Variants in THSD4 observed in about 807,000 individuals in gnomAD.
The protein encoded by THSD4 is thrombospondin type 1 domain containing 4, also known as thrombospondin type-1 domain-containing protein 4.
A neutral mutation model predicts 119.0 loss-of-function variants in THSD4; 69 were observed. The observed-to-expected ratio is 0.58, with a 90% CI of 0.48 to 0.71. The LOEUF (loss-of-function observed/expected upper bound fraction) is 0.71. THSD4 is among the 30% of genes least tolerant of loss of function. THSD4 has a pLI of 0.00. For synonymous variants in THSD4, 524 were observed against 540.4 expected (o/e 0.97, Z 0.42); for missense variants, 1,393 against 1,391.1 (o/e 1.00, Z -0.02).
intron 7 of THSD4, among the ~76,000 whole-genome samples, chr15:71,497,574 A>G (rs145987505): frequency 6.6e-6 from 1 of 151,834 alleles, no homozygotes; most frequent in African/African-American, 2.4e-5. Context: ...CATATAAATA[A>G]TATATAAATT....
At chr15:71,330,447 T>G (rs11858540) in intron 6 of THSD4, among the ~76,000 whole-genome samples, 21,719 of 152,174 alleles carry the variant, frequency 0.14, 1,643 homozygotes, top group Middle Eastern at 0.19. Flanking sequence ...GCTCTCAAAT[T>G]ACACTAACTC....
intron 6 of THSD4, among the ~76,000 whole-genome samples, chr15:71,386,532 C>T (rs1214842008): frequency 6.6e-6 from 1 of 152,076 alleles, no homozygotes; most frequent in Non-Finnish European, 1.5e-5. Context: ...AAAATACTGA[C>T]ACATGTAAGA....
In THSD4 at chr15:71,758,005, C is replaced by T. The variant is rs755861970; in HGVS notation, c.2519C>T (p.Ala840Val). The T allele has an allele frequency of 6.2e-7, 1 of 1,613,560 alleles. No individual in the cohort carries two copies. Among genetic ancestry groups the T allele is most frequent in the East Asian group, 2.2e-5 (1 of 44,882 alleles). The change falls in exon 15 of 18, where the codon GCA (alanine) becomes GTA (valine). Residue 840 changes from alanine to valine, a missense_variant. By Grantham distance (64) the Ala-to-Val change is moderately conservative. Coordinates refer to ENST00000261862, the MANE Select transcript of THSD4 (RefSeq NM_024817.3). Reference protein sequence around the residue: ...PLEGCGNNRPAEATPCDNGPC... With the variant: ...PLEGCGNNRPVEATPCDNGPC... ...GAGGGCTGTGGGAACAACCGGCCGGCAGAGGCCACCCCATGTGACAACGGA... is the reference window on the plus strand; with the variant it reads ...GAGGGCTGTGGGAACAACCGGCCGGTAGAGGCCACCCCATGTGACAACGGA...
intron 14 of THSD4, among the ~76,000 whole-genome samples, chr15:71,750,051 T>A (rs904512388): frequency 6.6e-6 from 1 of 152,110 alleles, no homozygotes; most frequent in African/African-American, 2.4e-5. Flanking sequence ...TCTAATAGGT[T>A]CCCAGGGTCT....
intron 7 of THSD4, among the ~76,000 whole-genome samples, chr15:71,650,992 G>A (rs2051075131): frequency 6.6e-6 from 1 of 152,190 alleles, no homozygotes. Flanking sequence ...GGTTTTAGAG[G>A]AAAATTCTGA....
intron 7 of THSD4, among the ~76,000 whole-genome samples, chr15:71,518,425 C>T (rs566130579): frequency 7.9e-5 from 12 of 152,190 alleles, no homozygotes; most frequent in East Asian, 1.9e-4. Context: ...TCCCTACCTG[C>T]GTGGGAATGA....
At chr15:71,463,355 C>T (rs2047452362) in intron 7 of THSD4, among the ~76,000 whole-genome samples, 1 of 152,084 alleles carries the variant, frequency 6.6e-6, no homozygotes, top group Non-Finnish European at 1.5e-5. Context: ...TTTGGCAGAC[C>T]CAGGTCACCT....
intron 9 of THSD4, chr15:71,730,147 G>A (rs1204041173): frequency 6.6e-6 from 1 of 152,304 alleles, no homozygotes; most frequent in Non-Finnish European, 1.5e-5. Context: ...CTTTGAAAGT[G>A]ACATGATTCT....
chr15:71,525,258 C>A (rs897925596), intron 7 of THSD4, among the ~76,000 whole-genome samples: 1 of 152,092 alleles, frequency 6.6e-6, no homozygotes, highest in African/African-American at 2.4e-5. Flanking sequence ...ACATGAGGCA[C>A]ATAGAGATTA....
intron 7 of THSD4, among the ~76,000 whole-genome samples, chr15:71,590,731 C>T (rs1022042028): frequency 3.3e-5 from 5 of 152,094 alleles, no homozygotes; most frequent in Non-Finnish European, 7.4e-5. Flanking sequence ...GGGACAGGCA[C>T]GATGGCTCAC....
chr15:71,442,618 G>GTGTA (rs2047117520), intron 7 of THSD4, among the ~76,000 whole-genome samples: 1 of 53,474 alleles, frequency 1.9e-5, no homozygotes, highest in Non-Finnish European at 3.9e-5. Context: ...GTGTGTGTGT[G>GTGTA]TATATATATA....
rs748939133 is a variant in THSD4 at position 71,242,736 on chromosome 15, C to G, written c.552C>G (p.His184Gln). The G allele has an allele frequency of 6.2e-7, 1 of 1,614,196 alleles. No individual in the cohort carries two copies. The highest frequency in any genetic ancestry group is 2.2e-5 in the East Asian group (1 of 44,884). The change falls in exon 5 of 18, where the codon CAC (histidine) becomes CAG (glutamine). Residue 184 changes from histidine to glutamine, a missense_variant. Coordinates refer to ENST00000261862, the MANE Select transcript of THSD4 (RefSeq NM_024817.3). ...TACCACTGCAGACAGACACTGCACACACGCCACAGAGGCTCCGGAGACAGA... is the reference window on the plus strand; with the variant it reads ...TACCACTGCAGACAGACACTGCACAGACGCCACAGAGGCTCCGGAGACAGA... ...YILPLQTDTAHTPQRLRRQKL... is the reference protein window; with the variant it reads ...YILPLQTDTAQTPQRLRRQKL...
intron 6 of THSD4, among the ~76,000 whole-genome samples, chr15:71,300,202 T>G (rs2140336494): frequency 6.6e-6 from 1 of 151,724 alleles, no homozygotes; most frequent in Middle Eastern, 3.4e-3. Context: ...AAAAGAACAG[T>G]TTAGCAACCA....
chr15:71,532,796 A>C (rs7167637), intron 7 of THSD4, among the ~76,000 whole-genome samples: 40,875 of 152,094 alleles, frequency 0.27, 6,239 homozygotes, highest in East Asian at 0.62. Flanking sequence ...TTCGAAGCAG[A>C]AAATTATATT....
At chr15:71,696,903 G>A (rs2052176175) in intron 8 of THSD4, among the ~76,000 whole-genome samples, 1 of 152,184 alleles carries the variant, frequency 6.6e-6, no homozygotes, top group Non-Finnish European at 1.5e-5. Flanking sequence ...CCAGCCACAA[G>A]TCCACCCAAA....
intron 6 of THSD4, among the ~76,000 whole-genome samples, chr15:71,264,381 A>G (rs1001983844): frequency 6.6e-6 from 1 of 152,180 alleles, no homozygotes; most frequent in African/African-American, 2.4e-5. Flanking sequence ...TCCCCACAAG[A>G]TCCATTCTCA....
chr15:71,703,765 C>T (rs1051042705), intron 8 of THSD4, among the ~76,000 whole-genome samples: 12 of 152,194 alleles, frequency 7.9e-5, no homozygotes, highest in Admixed American at 2.6e-4. Flanking sequence ...CTGTATTCTG[C>T]GCCTGTCTCT....
chr15:71,112,277 C>T, upstream of THSD4: 1 of 1,527,996 alleles, frequency 6.5e-7, no homozygotes, highest in South Asian at 1.3e-5. Context: ...ATGTCGTATG[C>T]ATCATTTATC....
At chr15:71,455,067 C>T (rs1254776149) in intron 7 of THSD4, among the ~76,000 whole-genome samples, 1 of 152,202 alleles carries the variant, frequency 6.6e-6, no homozygotes, top group African/African-American at 2.4e-5. Context: ...TCACGTGGGG[C>T]TGGATTTTCT....
Sources: gnomAD v4.1 joint callset for allele counts (sites outside exome capture counted in the v4.1 genomes callset) on GRCh38, gnomAD v4.1.1 for gene constraint, MANE v1.5 for transcripts, NCBI Gene and HGNC (gene_info 2026-07-23, HGNC 2026-07-21) for gene names.